Variants in CCDC141 observed in about 807,000 individuals in gnomAD.
CCDC141 encodes the protein coiled-coil domain containing 141, also known as coiled-coil domain-containing protein 141.
In CCDC141, 168 loss-of-function variants were observed where a neutral mutation model predicts 181.0. That is an observed-to-expected ratio of 0.93 (90% CI 0.82 to 1.05). The LOEUF (loss-of-function observed/expected upper bound fraction) is 1.05, where lower values mean the gene tolerates loss of function less well. CCDC141 is among the 50% of genes least tolerant of loss of function. The pLI is 0.00. For synonymous variants in CCDC141, 666 were observed against 642.3 expected (o/e 1.04, Z -0.56); for missense variants, 1,902 against 1,788.5 (o/e 1.06, Z -1.14).
At chr2:178,928,029 G>C (rs1409676444) in intron 6 of CCDC141, among the ~76,000 whole-genome samples, 1 of 152,200 alleles carries the variant, frequency 6.6e-6, no homozygotes. Flanking sequence ...AAAGGGATTT[G>C]TAAGGCTAAC....
At chr2:178,989,248 A>G (rs996445928) in intron 2 of CCDC141, among the ~76,000 whole-genome samples, 1 of 152,186 alleles carries the variant, frequency 6.6e-6, no homozygotes, top group Non-Finnish European at 1.5e-5. Flanking sequence ...TGCAAATGAT[A>G]TATCTGATAA....
At chr2:179,018,598 C>G (rs2042610292) in intron 2 of CCDC141, among the ~76,000 whole-genome samples, 1 of 152,130 alleles carries the variant, frequency 6.6e-6, no homozygotes, top group Non-Finnish European at 1.5e-5. Context: ...CCTTCAAGTC[C>G]CAATTACAAT....
At chr2:179,035,533 T>C (rs561804176) in intron 2 of CCDC141, among the ~76,000 whole-genome samples, 4 of 152,294 alleles carry the variant, frequency 2.6e-5, no homozygotes, top group African/African-American at 7.2e-5. Context: ...GGAAAAGGCC[T>C]GTCTCTGCCC....
chr2:178,950,474 T>C (rs1356285747), intron 5 of CCDC141, among the ~76,000 whole-genome samples: 1 of 152,186 alleles, frequency 6.6e-6, no homozygotes, highest in African/African-American at 2.4e-5. Context: ...CTAATGCACA[T>C]TAGAAGAGAT....
chr2:179,029,704 T>C (rs1299673158), intron 2 of CCDC141, among the ~76,000 whole-genome samples: 1 of 152,122 alleles, frequency 6.6e-6, no homozygotes, highest in African/African-American at 2.4e-5. Flanking sequence ...GTTAGAAGTA[T>C]AAACATGATT....
At chr2:178,953,765 G>T (rs1690051451) in intron 5 of CCDC141, among the ~76,000 whole-genome samples, 1 of 152,144 alleles carries the variant, frequency 6.6e-6, no homozygotes, top group Admixed American at 6.5e-5. Context: ...TTAAAATTAT[G>T]CATTTAAGCT....
intron 17 of CCDC141, among the ~76,000 whole-genome samples, chr2:178,862,306 G>A (rs535203866): frequency 6.6e-6 from 1 of 152,156 alleles, no homozygotes. Context: ...TGAGAACACG[G>A]ATACCAACCC....
intron 1 of CCDC141, among the ~76,000 whole-genome samples, chr2:179,048,197 G>C (rs910592743): frequency 2.0e-5 from 3 of 152,174 alleles, no homozygotes; most frequent in African/African-American, 7.2e-5. Context: ...AATTACTAAA[G>C]AGAAATTAGA....
chr2:178,866,162 C>G (rs1434818095), intron 16 of CCDC141, among the ~76,000 whole-genome samples: 1 of 152,212 alleles, frequency 6.6e-6, no homozygotes, highest in African/African-American at 2.4e-5. Flanking sequence ...TCACACCCAA[C>G]TCCTCAGAGA....
chr2:178,847,977 C>T (rs1254029885), intron 21 of CCDC141, among the ~76,000 whole-genome samples: 1 of 152,170 alleles, frequency 6.6e-6, no homozygotes, highest in African/African-American at 2.4e-5. Flanking sequence ...AACTTCCAGC[C>T]TCCAGAACTA....
chr2:178,932,380 G>C (rs1311151825), intron 6 of CCDC141, among the ~76,000 whole-genome samples: 2 of 152,084 alleles, frequency 1.3e-5, no homozygotes, highest in African/African-American at 4.8e-5. Flanking sequence ...CTTGCCTGAG[G>C]GCTGCCATGC....
chr2:178,830,892 G>A lies in CCDC141; in HGVS notation c.*3281C>T, dbSNP rs1055681526. ...AGGGCTGGAGAGAAGAGCATGATAT[G>A]TTAAAACCCTGAAGTTAAATGTCAC... On this transcript the variant is annotated 3_prime_UTR_variant, in exon 24 of 24. Coordinates refer to ENST00000443758, the MANE Select transcript of CCDC141 (RefSeq NM_173648.4). 1 of 152,356 alleles carries A rather than the reference G, an allele frequency of 6.6e-6. No homozygotes were observed. Among genetic ancestry groups the A allele is most frequent in the Non-Finnish European group, 1.5e-5 (1 of 68,090 alleles). The allele number at this position is 152,356 out of a possible 1,614,324, so 9.4% of individuals were successfully genotyped here. A position where few individuals can be genotyped will look rare whatever the true frequency, so the allele number is the denominator to read the frequency against.
At chr2:179,000,097 C>CAA (rs1434064568) in intron 2 of CCDC141, among the ~76,000 whole-genome samples, 1 of 125,640 alleles carries the variant, frequency 8.0e-6, no homozygotes, top group African/African-American at 2.9e-5. Context: ...CACACACACA[C>CAA]AATTAGAATC....
At chr2:179,018,685 T>C (rs1417525605) in intron 2 of CCDC141, among the ~76,000 whole-genome samples, 1 of 152,186 alleles carries the variant, frequency 6.6e-6, no homozygotes, top group Non-Finnish European at 1.5e-5. Context: ...TGTCACTTTC[T>C]TTCCACCTTC....
chr2:178,932,088 G>A (rs1689122101), intron 6 of CCDC141, among the ~76,000 whole-genome samples: 1 of 152,144 alleles, frequency 6.6e-6, no homozygotes, highest in Admixed American at 6.5e-5. Flanking sequence ...GAACCTAGGA[G>A]GCAGAGCCTG....
At chr2:178,817,662 G>T in the CCDC141 span, 1 of 414,982 alleles carries the variant, frequency 2.4e-6, no homozygotes, top group South Asian at 1.8e-5. Flanking sequence ...TTCTAGGAAC[G>T]TTAGAATTTT....
At chr2:178,890,815 A>G (rs1687112565) in intron 8 of CCDC141, among the ~76,000 whole-genome samples, 1 of 152,222 alleles carries the variant, frequency 6.6e-6, no homozygotes. Context: ...TATAGATTAT[A>G]GATGCACACT....
intron 6 of CCDC141, among the ~76,000 whole-genome samples, chr2:178,919,604 C>T (rs528144815): frequency 2.0e-5 from 3 of 152,236 alleles, no homozygotes; most frequent in South Asian, 2.1e-4. Context: ...TCATTTTGTC[C>T]GATGTGTATT....
At chr2:178,859,135 G>A (rs1397295758) in intron 17 of CCDC141, among the ~76,000 whole-genome samples, 1 of 152,168 alleles carries the variant, frequency 6.6e-6, no homozygotes, top group Non-Finnish European at 1.5e-5. Flanking sequence ...CCTTGACAAA[G>A]TTGCTGGCAC....
Sources: allele counts gnomAD v4.1 joint callset (sites outside exome capture counted in the v4.1 genomes callset), GRCh38; gene constraint gnomAD v4.1.1; transcripts MANE v1.5; gene names NCBI Gene and HGNC (gene_info 2026-07-23, HGNC 2026-07-21).